The following TRIM37 variants were observed in gnomAD, a reference collection of about 807,000 sequenced individuals.
TRIM37 encodes E3 ubiquitin-protein ligase TRIM37.
In TRIM37, 80 loss-of-function variants were observed where a neutral mutation model predicts 129.8. That is an observed-to-expected ratio of 0.62 (90% CI 0.51 to 0.74). TRIM37 has a LOEUF of 0.74. Ranked by LOEUF, TRIM37 falls within the 30% of genes least tolerant of loss-of-function variation. The probability of loss-of-function intolerance (pLI) is 0.00; values close to 1 mark genes in which losing one functional copy is unlikely to be tolerated. For missense variants in TRIM37, 1,054 were observed against 1,176.5 expected, an observed-to-expected ratio of 0.90 and a Z score of 1.52; for synonymous variants, 389 against 387.1, an observed-to-expected ratio of 1.00 and a Z score of -0.06.
chr17:59,096,953 A>G (rs1036243356), intron 2 of TRIM37, among the ~76,000 whole-genome samples: 1 of 152,210 alleles, frequency 6.6e-6, no homozygotes, highest in Admixed American at 6.5e-5. Flanking sequence ...ATTTATTCCT[A>G]GAATAGAAAG....
intron 8 of TRIM37, 105 bp downstream of exon 8, chr17:59,075,542 C>G: frequency 1.3e-6 from 1 of 767,738 alleles, no homozygotes. Flanking sequence ...CCAGCCTGGG[C>G]GACAGAGAGA....
intron 19 of TRIM37, among the ~76,000 whole-genome samples, chr17:59,019,064 A>T (rs1366281917): frequency 6.6e-6 from 1 of 152,220 alleles, no homozygotes; most frequent in Non-Finnish European, 1.5e-5. Flanking sequence ...ATATAAAATG[A>T]TGCAGCTACT....
At chr17:59,061,575 A>G (rs943162262) in intron 11 of TRIM37, among the ~76,000 whole-genome samples, 3 of 152,074 alleles carry the variant, frequency 2.0e-5, no homozygotes, top group Non-Finnish European at 2.9e-5. Context: ...CTGTCTAGAG[A>G]TTGAGAAGTT....
intron 24 of TRIM37, among the ~76,000 whole-genome samples, chr17:58,987,388 C>G (rs1161866972): frequency 6.6e-6 from 1 of 152,150 alleles, no homozygotes; most frequent in Non-Finnish European, 1.5e-5. Context: ...AAATGCACAC[C>G]AGGAGACACT....
In TRIM37 at chr17:59,001,636, T is replaced by A. The variant is rs756943469; in HGVS notation, c.2774A>T (p.His925Leu). The change falls in exon 23 of 24, where the codon CAC (histidine) becomes CTC (leucine). Residue 925 changes from histidine (H) to leucine (L), a missense_variant. Physicochemically the swap from His to Leu is moderately conservative, Grantham distance 99. Transcript: ENST00000262294. ...CTGTGTCATGACCATGAAGGAGTCG[T>A]GAAACCCGCCCACACTGGTATGCTC... ...QEEHTSVGGF[H>L]DSFMVMTQPP... is the part of the protein sequence containing the mutation. 6.2e-7 allele frequency: 1 copy of A among 1,614,060 alleles called. No individual in the cohort carries two copies. Among genetic ancestry groups the A allele is most frequent in the Non-Finnish European group, 8.5e-7 (1 of 1,179,996 alleles).
chr17:59,053,333 G>C (rs545119263), intron 13 of TRIM37, among the ~76,000 whole-genome samples: 1 of 152,094 alleles, frequency 6.6e-6, no homozygotes, highest in Non-Finnish European at 1.5e-5. Context: ...GAAATAAAAG[G>C]TTTAAAGTTT....
At chr17:59,101,196 C>T (rs1463653596) in intron 2 of TRIM37, among the ~76,000 whole-genome samples, 2 of 152,138 alleles carry the variant, frequency 1.3e-5, no homozygotes, top group Non-Finnish European at 2.9e-5. Flanking sequence ...GGAACCAAGA[C>T]AGCCCTAGAA....
chr17:59,053,665 G>C (rs1421928580), intron 13 of TRIM37, among the ~76,000 whole-genome samples: 5 of 152,130 alleles, frequency 3.3e-5, no homozygotes, highest in African/African-American at 9.7e-5. Flanking sequence ...TTATAGGTTG[G>C]TAAAATTGAT....
chr17:59,052,786 C>T (rs534035599), intron 13 of TRIM37, among the ~76,000 whole-genome samples: 3 of 152,176 alleles, frequency 2.0e-5, no homozygotes, highest in South Asian at 4.2e-4. Context: ...GAAACCCCGT[C>T]TCTACTAAAA....
At position 59,049,124 on chromosome 17, in the gene TRIM37, GCTA is replaced by G. The variant is rs2040101010; in HGVS notation, c.1530+51_1530+53del. 6.3e-6 allele frequency: 9 copies of G among 1,417,726 alleles called. No individual in the cohort carries two copies. The East Asian group carries it at 2.0e-4, about 32-fold the overall frequency. 87.8% of individuals were successfully genotyped at this position (1,417,726 alleles called of 1,614,324 possible). On this transcript the variant is annotated intron_variant, in intron 15 of 23. Transcript: ENST00000262294. ...CACATAATATGTTAAAAGCCATGATGCTACTGTTTTTTTTTAATCAAACACAAA... is the reference window on the plus strand; with the variant it reads ...CACATAATATGTTAAAAGCCATGATGCTGTTTTTTTTTAATCAAACACAAA...
intron 14 of TRIM37, among the ~76,000 whole-genome samples, chr17:59,050,418 C>T (rs1247505192): frequency 2.0e-5 from 3 of 152,184 alleles, no homozygotes; most frequent in Admixed American, 6.5e-5. Flanking sequence ...ACAGACCAGG[C>T]ACAGTGGCTC....
intron 16 of TRIM37, among the ~76,000 whole-genome samples, chr17:59,047,047 G>A (rs998788239): frequency 3.3e-5 from 5 of 151,648 alleles, no homozygotes; most frequent in African/African-American, 7.3e-5. Flanking sequence ...CTAGCTGCTC[G>A]GGAGGCTGAG....
At chr17:59,032,531 C>CAAAAAAA (rs35442859) in intron 17 of TRIM37, among the ~76,000 whole-genome samples, 30 of 84,642 alleles carry the variant, frequency 3.5e-4, no homozygotes, top group East Asian at 7.0e-4. Flanking sequence ...GACTCCGTCT[C>CAAAAAAA]AAAAAAAAAA....
intron 24 of TRIM37, among the ~76,000 whole-genome samples, chr17:58,991,719 G>A (rs542685771): frequency 1.3e-5 from 2 of 152,264 alleles, no homozygotes; most frequent in East Asian, 3.9e-4. Flanking sequence ...GGTTAGCTCA[G>A]TTGGTTAGAA....
At chr17:58,998,175 C>T, downstream of TRIM37, 1 of 980,494 alleles carries the variant, frequency 1.0e-6, no homozygotes, top group Non-Finnish European at 1.2e-6. Flanking sequence ...GGTTTCTGGT[C>T]CCAATTTAAT....
chr17:59,039,241 T>C (rs2038885323), intron 17 of TRIM37, among the ~76,000 whole-genome samples: 1 of 152,200 alleles, frequency 6.6e-6, no homozygotes, highest in Admixed American at 6.5e-5. Context: ...TTAGTTGTAC[T>C]TGGCCAACTT....
downstream of TRIM37, chr17:58,980,659 G>C: frequency 6.2e-7 from 1 of 1,614,130 alleles, no homozygotes; most frequent in South Asian, 1.1e-5. The surrounding 1 kb of genome is among the most constrained non-coding windows in gnomAD (Gnocchi z 4.7). Context: ...CTTTCAATTT[G>C]GGTTCAACAG....
chr17:59,099,866 C>T (rs1378953531), intron 2 of TRIM37, among the ~76,000 whole-genome samples: 2 of 152,072 alleles, frequency 1.3e-5, no homozygotes, highest in African/African-American at 2.4e-5. Flanking sequence ...TGCAATGGTG[C>T]GATCTCGGCT....
intron 9 of TRIM37, among the ~76,000 whole-genome samples, chr17:59,068,440 A>C (rs943243411): frequency 1.9e-4 from 29 of 152,216 alleles, no homozygotes; most frequent in South Asian, 2.1e-4. Context: ...GAAAAATACT[A>C]ATTTTTATAT....
Sources: gnomAD v4.1 joint callset for allele counts (sites outside exome capture counted in the v4.1 genomes callset) on GRCh38, gnomAD v4.1.1 for gene constraint, Gnocchi (gnomAD v3.1) non-coding constraint, MANE v1.5 for transcripts, NCBI Gene and HGNC (gene_info 2026-07-23, HGNC 2026-07-21) for gene names.